Variants in COL5A2 observed in about 807,000 individuals in gnomAD.
The protein encoded by COL5A2 is collagen type V alpha 2 chain.
COL5A2 carries 23 observed loss-of-function variants against 208.2 expected under a neutral mutation model. The ratio of observed to expected loss-of-function variants is 0.11; its 90% CI spans 0.08 to 0.16. The LOEUF (loss-of-function observed/expected upper bound fraction) is 0.16, where lower values mean the gene tolerates loss of function less well. Among genes scored for constraint, COL5A2 ranks in the 10% least tolerant of loss-of-function variants. COL5A2 has a pLI of 1.00. For missense variants in COL5A2, 1,590 were observed against 1,956.4 expected (o/e 0.81, Z 3.53); for synonymous variants, 625 against 628.5 (o/e 0.99, Z 0.08).
chr2:189,163,377 A>C (rs939434131), intron 1 of COL5A2, among the ~76,000 whole-genome samples: 4 of 152,222 alleles, frequency 2.6e-5, no homozygotes, highest in African/African-American at 9.6e-5. Context: ...AAACAGCATA[A>C]CACAACACAT....
chr2:189,041,565 T>C (rs201835973), intron 50 of COL5A2, 21 bp downstream of exon 50: 15 of 1,538,672 alleles, frequency 9.7e-6, no homozygotes, highest in Non-Finnish European at 1.3e-5. Context: ...ATTTCTTGCA[T>C]GTAAACCTTT....
At chr2:189,429,664 G>A in the COL5A2 span, among the ~76,000 whole-genome samples, 2 of 152,140 alleles carry the variant, frequency 1.3e-5, no homozygotes, top group African/African-American at 4.8e-5. Context: ...CACACTCAGG[G>A]AAGCCCAAAT....
chr2:189,310,913 G>T, the COL5A2 span, among the ~76,000 whole-genome samples: 2 of 152,008 alleles, frequency 1.3e-5, no homozygotes, highest in Non-Finnish European at 2.9e-5. Flanking sequence ...TAAAAGGATG[G>T]TTACCAGGGG....
chr2:189,377,474 C>T, the COL5A2 span, among the ~76,000 whole-genome samples: 1 of 152,204 alleles, frequency 6.6e-6, no homozygotes, highest in Non-Finnish European at 1.5e-5. Flanking sequence ...ATGGTGCTTT[C>T]ATGTTTGTGT....
the COL5A2 span, among the ~76,000 whole-genome samples, chr2:189,374,967 C>T: frequency 2.6e-5 from 4 of 151,720 alleles, no homozygotes; most frequent in Admixed American, 2.6e-4. Context: ...AAAATATGCC[C>T]TCATAATGTA....
upstream of COL5A2, among the ~76,000 whole-genome samples, chr2:189,225,879 C>A (rs115264819): frequency 6.4e-3 from 980 of 152,178 alleles, 9 homozygotes; most frequent in African/African-American, 0.022. Context: ...GAGTACAGAA[C>A]CAATATGTGC....
chr2:189,433,421 T>G, the COL5A2 span, among the ~76,000 whole-genome samples: 3 of 151,580 alleles, frequency 2.0e-5, no homozygotes, highest in Non-Finnish European at 4.4e-5. Context: ...CCAACAAAAT[T>G]GATAGACCAC....
At chr2:189,221,921 T>A (rs1689351328) in intron 1 of COL5A2, among the ~76,000 whole-genome samples, 3 of 152,176 alleles carry the variant, frequency 2.0e-5, no homozygotes, top group African/African-American at 7.2e-5. Context: ...TGTGGATCTA[T>A]TCAAGATTTA....
chr2:189,045,037 T>A, intron 47 of COL5A2, 142 bp downstream of exon 47: 4 of 508,854 alleles, frequency 7.9e-6, no homozygotes, highest in South Asian at 4.0e-5. Flanking sequence ...AAAATAAGAG[T>A]AAACTTATAA....
chr2:189,281,916 G>C, the COL5A2 span, among the ~76,000 whole-genome samples: 1 of 152,234 alleles, frequency 6.6e-6, no homozygotes, highest in Non-Finnish European at 1.5e-5. Context: ...GGGCGCACTG[G>C]CTCATGCCTG....
chr2:189,243,234 G>C, the COL5A2 span, among the ~76,000 whole-genome samples: 75 of 151,876 alleles, frequency 4.9e-4, no homozygotes, highest in African/African-American at 1.8e-3. Context: ...GGGAGGGAGA[G>C]AGGAAGGAAG....
chr2:189,256,529 C>T, the COL5A2 span, among the ~76,000 whole-genome samples: 3 of 152,204 alleles, frequency 2.0e-5, no homozygotes, highest in African/African-American at 7.2e-5. Flanking sequence ...TTCTCCTCAT[C>T]TTCTCCAGGC....
chr2:189,085,281 A>G (rs1295970371), intron 10 of COL5A2, 68 bp from the exon 11 acceptor site: 7 of 1,218,184 alleles, frequency 5.7e-6, no homozygotes, highest in Non-Finnish European at 8.3e-6. Flanking sequence ...TACAATTCAA[A>G]ACATTATTGA....
chr2:189,173,500 T>C (rs1688614014), intron 1 of COL5A2, among the ~76,000 whole-genome samples: 1 of 152,218 alleles, frequency 6.6e-6, no homozygotes, highest in Non-Finnish European at 1.5e-5. Context: ...GTACTTCCCA[T>C]GCAAATGCCA....
Position 189,053,858 on chromosome 2 carries a change from A to G in COL5A2, c.2499+37T>C, listed in dbSNP as rs13413060. 1,253 of 1,541,496 alleles carry G rather than the reference A, an allele frequency of 8.1e-4. 7 individuals carry two copies. In the African/African-American group the frequency reaches 0.014, roughly 18 times the overall value. ...AAATGATTAATTGTTTTATTGCTCA[A>G]TCTCACACTAAAGAACACCAAAATA... On this transcript the variant is annotated intron_variant, in intron 37 of 53. Transcript: ENST00000374866.
the COL5A2 span, among the ~76,000 whole-genome samples, chr2:189,301,821 A>G: frequency 6.6e-6 from 1 of 152,192 alleles, no homozygotes; most frequent in Non-Finnish European, 1.5e-5. Context: ...ACTAATTATT[A>G]CCTAAAAATA....
chr2:189,063,096 T>C, intron 27 of COL5A2, 33 bp from the exon 28 acceptor site: 1 of 1,613,614 alleles, frequency 6.2e-7, no homozygotes, highest in East Asian at 2.2e-5. Flanking sequence ...GTATAATTCC[T>C]TCAATTTGTC....
At chr2:189,262,109 G>C in the COL5A2 span, among the ~76,000 whole-genome samples, 1 of 152,026 alleles carries the variant, frequency 6.6e-6, no homozygotes, top group Admixed American at 6.6e-5. Context: ...AAATAATAAC[G>C]CTTGTCCAGT....
intron 52 of COL5A2, among the ~76,000 whole-genome samples, chr2:189,036,211 T>G (rs1685440892): frequency 6.6e-6 from 1 of 152,098 alleles, no homozygotes. Context: ...AGAGACTTTA[T>G]AAGGCCCCAA....
Sources: gnomAD v4.1 joint callset for allele counts (sites outside exome capture counted in the v4.1 genomes callset) on GRCh38, gnomAD v4.1.1 for gene constraint, MANE v1.5 for transcripts, NCBI Gene and HGNC (gene_info 2026-07-23, HGNC 2026-07-21) for gene names.